The following C12orf76 variants were observed in gnomAD, a reference collection of about 807,000 sequenced individuals.
C12orf76 encodes chromosome 12 open reading frame 76.
Under a neutral mutation model 6.8 loss-of-function variants are expected in C12orf76, and 6 were observed. The observed-to-expected ratio is 0.88, with a 90% CI of 0.48 to 1.73. The LOEUF (loss-of-function observed/expected upper bound fraction) is 1.73, where lower values mean the gene tolerates loss of function less well. Ranked by LOEUF, C12orf76 falls within the 40% of genes most tolerant of loss-of-function variation. C12orf76 has a pLI of 0.01. For synonymous variants in C12orf76, 56 were observed against 43.7 expected, an observed-to-expected ratio of 1.28 and a Z score of -1.11; for missense variants, 99 against 98.2, an observed-to-expected ratio of 1.01 and a Z score of -0.03.
chr12:110,066,270 G>T (rs1185140756), intron 1 of C12orf76, among the ~76,000 whole-genome samples: 8 of 150,150 alleles, frequency 5.3e-5, no homozygotes, highest in African/African-American at 2.0e-4. Flanking sequence ...TACTCGGGAG[G>T]CTGAGGCAGA....
chr12:110,046,858 C>G (rs1286890978), intron 1 of C12orf76, among the ~76,000 whole-genome samples: 1 of 152,092 alleles, frequency 6.6e-6, no homozygotes, highest in Non-Finnish European at 1.5e-5. Context: ...CTACTGGTAT[C>G]TAAAGGCTGG....
At chr12:110,068,283 GAAGAAGAA>G (rs1892909619), upstream of C12orf76, among the ~76,000 whole-genome samples, 1 of 142,158 alleles carries the variant, frequency 7.0e-6, no homozygotes, top group Non-Finnish European at 1.6e-5. Flanking sequence ...AGAAGAAGAA[GAAGAAGAA>G]GAAGAAGAAG....
chr12:110,073,544 G>A (rs992957078), exon 1 of C12orf76: 61 of 513,528 alleles, frequency 1.2e-4, no homozygotes, highest in East Asian at 1.1e-3. Context: ...AGGCTGGCAC[G>A]GTTACAGCCT....
exon 4 of C12orf76, chr12:110,057,289 TACA>T: frequency 6.2e-7 from 1 of 1,610,888 alleles, no homozygotes; most frequent in South Asian, 1.1e-5. Flanking sequence ...CTCTCCCCCT[TACA>T]GCTCCTAAGG....
At position 110,042,202 on chromosome 12, in the gene C12orf76, G is replaced by C. The variant is rs1040937687; in HGVS notation, c.*172C>G. ...GCCAATTATTTGCGCTACAGTGTTA[G>C]GAAAAAATAATGTCTAGTACATGTT... On this transcript the variant is annotated 3_prime_UTR_variant, in exon 2 of 2. Transcript: ENST00000615315. 1.3e-4 allele frequency: 79 copies of C among 605,650 alleles called. No individual in the cohort carries two copies. Among genetic ancestry groups the C allele is most frequent in the African/African-American group, 1.3e-3 (68 of 54,114 alleles). The allele number at this position is 605,650 out of a possible 1,614,324, so 37.5% of individuals were successfully genotyped here.
chr12:110,047,437 C>T (rs764747900), intron 1 of C12orf76, among the ~76,000 whole-genome samples: 35 of 152,028 alleles, frequency 2.3e-4, no homozygotes, highest in Non-Finnish European at 4.3e-4. Context: ...ACTTGTAATC[C>T]CAACACTTTG....
upstream of C12orf76, among the ~76,000 whole-genome samples, chr12:110,068,324 AGAAGAAGGC>A (rs1299759701): frequency 0.016 from 2,223 of 137,262 alleles, 71 homozygotes; most frequent in Non-Finnish European, 0.026. Flanking sequence ...AAGAAGAAGA[AGAAGAAGGC>A]GGCCAAATAG....
chr12:110,046,255 A>C lies in C12orf76; in HGVS notation c.133+2108T>G, dbSNP rs189677797. Reference sequence around the variant, plus strand: ...ATCCTGGCCAACATGGTGAAACCCCATCTCTACTAAAAATACAAAAATTAC... The same window carrying C: ...ATCCTGGCCAACATGGTGAAACCCCCTCTCTACTAAAAATACAAAAATTAC... On this transcript the variant is annotated intron_variant, in intron 1 of 1. Coordinates refer to ENST00000615315, the MANE Select transcript of C12orf76 (RefSeq NM_001389625.1). 2.5e-4 allele frequency among the ~76,000 whole-genome samples: 38 copies of C among 152,118 alleles called. No individual in the cohort carries two copies. In the East Asian group the frequency reaches 7.4e-3, roughly 30 times the overall value.
At position 110,042,299 on chromosome 12, in the gene C12orf76, C is replaced by T. The variant is rs1278046399; in HGVS notation, c.*75G>A. 3.9e-6 allele frequency: 5 copies of T among 1,281,832 alleles called. No homozygotes were observed. In the African/African-American group the frequency reaches 7.3e-5, roughly 19 times the overall value. The allele number at this position is 1,281,832 out of a possible 1,614,324, so 79.4% of individuals were successfully genotyped here. ...ATTTCCAAGTAGGAAAGTTTTGGTTCCAACTTCTCCACTGGCCTGTGTGCA... is the reference window on the plus strand; with the variant it reads ...ATTTCCAAGTAGGAAAGTTTTGGTTTCAACTTCTCCACTGGCCTGTGTGCA... On this transcript the variant is annotated 3_prime_UTR_variant, in exon 2 of 2. Coordinates refer to ENST00000615315, the MANE Select transcript of C12orf76 (RefSeq NM_001389625.1).
chr12:110,071,984 A>G (rs538428780), upstream of C12orf76, among the ~76,000 whole-genome samples: 19 of 152,356 alleles, frequency 1.2e-4, no homozygotes, highest in South Asian at 3.7e-3. Context: ...ATGAGAATAT[A>G]TATCCACATA....
chr12:110,054,965 C>T lies in C12orf76; in HGVS notation n.664+2224G>A, dbSNP rs1039678489. On this transcript the variant is annotated intron_variant and non_coding_transcript_variant, in intron 4 of 4. Transcript: ENST00000309050. The surrounding 1 kb of genome is among the most constrained non-coding windows in gnomAD (Gnocchi z 4.4). Reference sequence around the variant, plus strand: ...TGGGACTGCAGGTGCAGCCACTGTGCCTGGCTGCAGGGTGTTTATAAAGGG... The same window carrying T: ...TGGGACTGCAGGTGCAGCCACTGTGTCTGGCTGCAGGGTGTTTATAAAGGG... Among the ~76,000 whole-genome samples, 4 of 151,846 alleles carry T rather than the reference C, an allele frequency of 2.6e-5. No homozygotes were observed. The highest frequency in any genetic ancestry group is 9.7e-5 in the African/African-American group (4 of 41,320).
rs1892327211 is a variant in C12orf76, at chr12:110,042,034, C to T, written c.*340G>A. On this transcript the variant is annotated 3_prime_UTR_variant, in exon 2 of 2. Coordinates refer to ENST00000615315, the MANE Select transcript of C12orf76 (RefSeq NM_001389625.1). ...CATTTTCAAGCATTAATGATGAGTT[C>T]TTTACAGTGTGGTTCTTACAGGCAC... The T allele has an allele frequency of 3.2e-6, 1 of 312,312 alleles. No individual in the cohort carries two copies. The highest frequency in any genetic ancestry group is 5.5e-5 in the East Asian group (1 of 18,190). 19.3% of individuals were successfully genotyped at this position (312,312 alleles called of 1,614,324 possible).
exon 3 of C12orf76, chr12:110,059,117 A>G (rs1482783173): frequency 1.9e-6 from 3 of 1,550,374 alleles, no homozygotes; most frequent in African/African-American, 2.7e-5. Context: ...CTTAAATGCT[A>G]TGGTAAATGG....
intron 4 of C12orf76, chr12:110,057,018 A>G: frequency 3.3e-6 from 2 of 607,442 alleles, no homozygotes; most frequent in South Asian, 3.9e-5. Context: ...CTGGATGAGG[A>G]GGAGCCCTGG....
upstream of C12orf76, among the ~76,000 whole-genome samples, chr12:110,068,315 A>AGAAGAAGAAGAAGAG (rs1892914814): frequency 1.4e-5 from 2 of 144,602 alleles, no homozygotes; most frequent in African/African-American, 5.0e-5. Context: ...AAGAAGAAGA[A>AGAAGAAGAAGAAGAG]GAAGAAGAAG....
In C12orf76 at chr12:110,041,864, C is replaced by T. The variant is rs1892320801; in HGVS notation, c.*510G>A. 1 of 158,524 alleles carries T rather than the reference C, an allele frequency of 6.3e-6. No homozygotes were observed. Among genetic ancestry groups the T allele is most frequent in the Non-Finnish European group, 1.4e-5 (1 of 71,416 alleles). 9.8% of individuals were successfully genotyped at this position (158,524 alleles called of 1,614,324 possible). On this transcript the variant is annotated 3_prime_UTR_variant, in exon 2 of 2. Transcript: ENST00000615315. ...CAGGTGAGGAACGAGGGCCCAAGAT[C>T]CCCACAGCTGACACCACTTTGCAAC...
chr12:110,049,528 G>A (rs955728927), upstream of C12orf76: 2 of 152,204 alleles, frequency 1.3e-5, no homozygotes, highest in African/African-American at 4.8e-5. Flanking sequence ...CATTCTCAAG[G>A]GTAGGGAGAA....
intron 2 of C12orf76, among the ~76,000 whole-genome samples, chr12:110,062,788 AT>A (rs71079597): frequency 0.16 from 10,052 of 63,260 alleles, 580 homozygotes; most frequent in Non-Finnish European, 0.19. Flanking sequence ...CCCAGCTAAT[AT>A]TTTTTTTTTT....
intron 2 of C12orf76, among the ~76,000 whole-genome samples, chr12:110,059,622 T>C (rs148663574): frequency 1.4e-3 from 214 of 152,342 alleles, no homozygotes; most frequent in African/African-American, 4.6e-3. Flanking sequence ...GAGTTTATTT[T>C]CCTAAATCAT....
Sources: gnomAD v4.1 joint callset for allele counts (sites outside exome capture counted in the v4.1 genomes callset) on GRCh38, gnomAD v4.1.1 for gene constraint, Gnocchi (gnomAD v3.1) non-coding constraint, MANE v1.5 for transcripts, NCBI Gene and HGNC (gene_info 2026-07-23, HGNC 2026-07-21) for gene names.